The following SLC38A1 variants were observed in gnomAD, a reference collection of about 807,000 sequenced individuals.
SLC38A1 encodes solute carrier family 38 member 1.
Under a neutral mutation model 60.3 loss-of-function variants are expected in SLC38A1, and 18 were observed. The observed-to-expected ratio is 0.30, with a 90% CI of 0.21 to 0.44. SLC38A1 has a LOEUF of 0.44. SLC38A1 is among the 20% of genes least tolerant of loss of function. The pLI is 1.00. For synonymous variants in SLC38A1, 196 were observed against 212.1 expected (o/e 0.92, Z 0.66); for missense variants, 448 against 587.2 (o/e 0.76, Z 2.45).
At chr12:46,201,454 G>A (rs11183394) in intron 12 of SLC38A1, among the ~76,000 whole-genome samples, 28,434 of 152,058 alleles carry the variant, frequency 0.19, 3,320 homozygotes, top group African/African-American at 0.33. Flanking sequence ...AGTTCTCATC[G>A]GAAGGGCAGA....
rs1555192390 is a variant in SLC38A1 at position 46,256,636 on chromosome 12, C to CAGAG, written c.-209+11886_-209+11889dup. 2.4e-3 allele frequency among the ~76,000 whole-genome samples: 300 copies of CAGAG among 123,252 alleles called. 2 individuals are homozygous for CAGAG. Among genetic ancestry groups the CAGAG allele is most frequent in the African/African-American group, 6.7e-3 (199 of 29,492 alleles). 80.9% of individuals were successfully genotyped at this position (123,252 alleles called of 152,430 possible). A position where few individuals can be genotyped will look rare whatever the true frequency, so the allele number is the denominator to read the frequency against. ...GCGCACACACACACACACACACACA[C>CAGAG]AGAGAGAGAGAGAGAGAGAGAGAGA... On this transcript the variant is annotated intron_variant, in intron 1 of 16. Coordinates refer to ENST00000398637, the MANE Select transcript of SLC38A1 (RefSeq NM_030674.4).
At chr12:46,255,219 A>C (rs1450969159) in intron 1 of SLC38A1, among the ~76,000 whole-genome samples, 2 of 152,218 alleles carry the variant, frequency 1.3e-5, no homozygotes, top group Non-Finnish European at 2.9e-5. Context: ...TGGATAACAA[A>C]ATCTTTTAGG....
Position 46,239,667 on chromosome 12 carries a change from A to G in SLC38A1, c.122+12T>C, listed in dbSNP as rs1941378156. Reference sequence around the variant, plus strand: ...TTTCACTGGATAGAAATGTTAGTGGAAAAATACTCACCTATTTATCTGACC... The same window carrying G: ...TTTCACTGGATAGAAATGTTAGTGGGAAAATACTCACCTATTTATCTGACC... On this transcript the variant is annotated intron_variant, in intron 3 of 16. Coordinates refer to ENST00000398637, the MANE Select transcript of SLC38A1 (RefSeq NM_030674.4). 6.2e-7 allele frequency: 1 copy of G among 1,613,060 alleles called. No homozygotes were observed. The highest frequency in any genetic ancestry group is 1.7e-5 in the Admixed American group (1 of 59,984).
At position 46,186,734 on chromosome 12, in the gene SLC38A1, C is replaced by T. The variant is rs1199095482; in HGVS notation, c.*2236G>A. The T allele has an allele frequency of 1.3e-5, 2 of 152,174 alleles. No homozygotes were observed. The highest frequency in any genetic ancestry group is 4.8e-5 in the African/African-American group (2 of 41,446). The allele number at this position is 152,174 out of a possible 1,614,324, so 9.4% of individuals were successfully genotyped here. ...TTTAAATAAATATTCCTTGTATTGA[C>T]ACATGAAACCCAGAGGCCCAAAAAT... On this transcript the variant is annotated 3_prime_UTR_variant, in exon 17 of 17. Coordinates refer to ENST00000398637, the MANE Select transcript of SLC38A1 (RefSeq NM_030674.4).
At chr12:46,202,285 A>T (rs1939698626) in intron 12 of SLC38A1, among the ~76,000 whole-genome samples, 2 of 152,172 alleles carry the variant, frequency 1.3e-5, no homozygotes, top group African/African-American at 4.8e-5. Context: ...AAGACGCCAA[A>T]GATATATGAG....
intron 5 of SLC38A1, among the ~76,000 whole-genome samples, chr12:46,225,235 A>G (rs1358211994): frequency 6.6e-6 from 1 of 152,178 alleles, no homozygotes; most frequent in Non-Finnish European, 1.5e-5. Context: ...AAAGTTGGGG[A>G]TAATGGAAGG....
intron 3 of SLC38A1, among the ~76,000 whole-genome samples, chr12:46,230,346 A>T (rs1222269851): frequency 1.3e-5 from 2 of 152,200 alleles, no homozygotes; most frequent in East Asian, 1.9e-4. Flanking sequence ...GAGGCAAGGC[A>T]TATGGTCGAT....
rs868338334 is a variant in SLC38A1 at position 46,199,053 on chromosome 12, G to A, written c.1004-310C>T. On this transcript the variant is annotated intron_variant, in intron 13 of 16. Coordinates refer to ENST00000398637, the MANE Select transcript of SLC38A1 (RefSeq NM_030674.4). ...AGAATGAAACATACAGTTGAAACGCGAAGCTGCTCTTAATCTAGACTTTCC... is the reference window on the plus strand; with the variant it reads ...AGAATGAAACATACAGTTGAAACGCAAAGCTGCTCTTAATCTAGACTTTCC... Among the ~76,000 whole-genome samples, 9 of 151,754 alleles carry A rather than the reference G, an allele frequency of 5.9e-5. No individual in the cohort carries two copies. In the South Asian group the frequency reaches 1.7e-3, roughly 28 times the overall value.
At chr12:46,264,643 G>A (rs988018215) in intron 1 of SLC38A1, among the ~76,000 whole-genome samples, 6 of 151,708 alleles carry the variant, frequency 4.0e-5, no homozygotes, top group Non-Finnish European at 8.8e-5. Context: ...AGATTTTGGG[G>A]TATCAGTGAT....
At chr12:46,209,937 G>T (rs1483791948) in intron 5 of SLC38A1, among the ~76,000 whole-genome samples, 1 of 151,912 alleles carries the variant, frequency 6.6e-6, no homozygotes, top group South Asian at 2.1e-4. Context: ...TATTAAAAAA[G>T]AAGAAAAAAA....
chr12:46,232,346 G>GA (rs1191836590), intron 3 of SLC38A1, among the ~76,000 whole-genome samples: 1 of 152,226 alleles, frequency 6.6e-6, no homozygotes, highest in African/African-American at 2.4e-5. Flanking sequence ...CACAGACTGG[G>GA]ATTAGCCAGA....
chr12:46,243,735 A>C (rs901154706), intron 1 of SLC38A1, among the ~76,000 whole-genome samples: 13 of 152,256 alleles, frequency 8.5e-5, no homozygotes, highest in Non-Finnish European at 1.6e-4. Context: ...CATCATGTGA[A>C]GATCTTGGTG....
intron 11 of SLC38A1, among the ~76,000 whole-genome samples, chr12:46,203,351 A>G (rs1237938648): frequency 6.6e-6 from 1 of 151,726 alleles, no homozygotes; most frequent in Non-Finnish European, 1.5e-5. Context: ...GGTATACAAC[A>G]CCCCCTGTTT....
At chr12:46,225,504 C>T (rs1388819999) in intron 5 of SLC38A1, among the ~76,000 whole-genome samples, 4 of 152,138 alleles carry the variant, frequency 2.6e-5, no homozygotes, top group African/African-American at 9.7e-5. Context: ...CCAGCCCTTT[C>T]CCCCTACTTG....
chr12:46,223,392 A>T (rs1236287490), intron 5 of SLC38A1, among the ~76,000 whole-genome samples: 1 of 152,116 alleles, frequency 6.6e-6, no homozygotes, highest in Non-Finnish European at 1.5e-5. Context: ...AAATATCTAC[A>T]GTGTGTACTA....
intron 1 of SLC38A1, among the ~76,000 whole-genome samples, chr12:46,258,269 C>A (rs1010369147): frequency 6.6e-6 from 1 of 152,162 alleles, no homozygotes; most frequent in Admixed American, 6.5e-5. Context: ...CATCTGGAAA[C>A]GCAGCTCAGT....
rs1243305369 is a variant in SLC38A1 at position 46,268,954 on chromosome 12, G to A, written c.-637C>T. 1 of 447,798 alleles carries A rather than the reference G, an allele frequency of 2.2e-6. No homozygotes were observed. Among genetic ancestry groups the A allele is most frequent in the Non-Finnish European group, 4.5e-6 (1 of 221,372 alleles). The allele number at this position is 447,798 out of a possible 1,614,324, so 27.7% of individuals were successfully genotyped here. On this transcript the variant is annotated 5_prime_UTR_variant, in exon 1 of 17. Transcript: ENST00000398637. This position sits in a 1 kb window ranked among gnomAD's most constrained non-coding sequence, Gnocchi z 4.4. ...CCTTCCGCAACCATGGCTTGTGATGGTTTAACGCGGACAGGCCATTCCTCC... is the reference window on the plus strand; with the variant it reads ...CCTTCCGCAACCATGGCTTGTGATGATTTAACGCGGACAGGCCATTCCTCC...
intron 1 of SLC38A1, among the ~76,000 whole-genome samples, chr12:46,248,843 A>C (rs949564206): frequency 1.2e-4 from 18 of 152,156 alleles, no homozygotes; most frequent in Admixed American, 8.5e-4. Flanking sequence ...AGTGCAATCA[A>C]ATTAGAACTC....
At chr12:46,205,833 C>T (rs1939871517) in intron 9 of SLC38A1, among the ~76,000 whole-genome samples, 1 of 152,182 alleles carries the variant, frequency 6.6e-6, no homozygotes, top group Non-Finnish European at 1.5e-5. Context: ...ATAGCCCTGT[C>T]TGTCCTGGCC....
Sources: gnomAD v4.1 joint callset for allele counts (sites outside exome capture counted in the v4.1 genomes callset) on GRCh38, gnomAD v4.1.1 for gene constraint, Gnocchi (gnomAD v3.1) non-coding constraint, MANE v1.5 for transcripts, NCBI Gene and HGNC (gene_info 2026-07-23, HGNC 2026-07-21) for gene names.